Variants in WDR5 observed in about 807,000 individuals in gnomAD.
WDR5 encodes the protein WD repeat domain 5.
For synonymous variants in WDR5, 144 were observed against 161.6 expected (o/e 0.89, Z 0.83); for missense variants, 187 against 416.9 (o/e 0.45, Z 4.80).
intron 7 of WDR5, among the ~76,000 whole-genome samples, chr9:134,143,531 CTT>C (rs558531986): frequency 5.1e-5 from 7 of 137,856 alleles, no homozygotes; most frequent in East Asian, 2.5e-4. Flanking sequence ...GAAACTCTGT[CTT>C]TTTTTTTTTT....
At chr9:134,137,697 C>G (rs1224298781) in intron 1 of WDR5, among the ~76,000 whole-genome samples, 1 of 147,254 alleles carries the variant, frequency 6.8e-6, no homozygotes, top group Non-Finnish European at 1.5e-5. Flanking sequence ...AAAAAAAACA[C>G]GCCAAGCCTA....
rs537205025 is a variant in WDR5 at position 134,154,401 on chromosome 9, C to T, written c.632-65C>T. 5.1e-4 allele frequency: 790 copies of T among 1,547,402 alleles called. 7 individuals are homozygous for T. The highest frequency in any genetic ancestry group is 5.0e-3 in the South Asian group (448 of 89,338). On this transcript the variant is annotated intron_variant, in intron 9 of 13. Coordinates refer to ENST00000358625, the MANE Select transcript of WDR5 (RefSeq NM_017588.3). ...CGCACGTGGGGGATGGGGAGCGGGT[C>T]CCACCTCCTGTCCCTGCCTGGCTGT...
chr9:134,152,052 G>A (rs765258720), intron 9 of WDR5, 23 bp downstream of exon 9: 19 of 1,612,164 alleles, frequency 1.2e-5, no homozygotes, highest in Admixed American at 1.7e-5. Flanking sequence ...CTGTGTGGGG[G>A]CTGGGTCTGT....
chr9:134,153,875 T>C (rs975508133), intron 9 of WDR5, among the ~76,000 whole-genome samples: 3 of 152,172 alleles, frequency 2.0e-5, no homozygotes, highest in African/African-American at 7.2e-5. Context: ...GGGGTTGCCA[T>C]GTCCTGAAAA....
Position 134,140,785 on chromosome 9 carries a change from C to A in WDR5, c.164C>A (p.Pro55Gln). ...GCAGTGTCCTCCGTGAAATTCAGCC[C>A]GAATGGAGAGTGGCTGGCAAGTTCA... The part of the protein sequence containing the change: ...TKAVSSVKFS[P>Q]NGEWLASSSA... Residue 55 changes from proline to glutamine, a missense_variant, in exon 3 of 14, where the codon CCG (proline) becomes CAG (glutamine). Transcript: ENST00000358625. 1 of 1,614,112 alleles carries A rather than the reference C, an allele frequency of 6.2e-7. No individual in the cohort carries two copies. The highest frequency in any genetic ancestry group is 1.6e-4 in the Middle Eastern group (1 of 6,062).
rs569083827 is a variant in WDR5, at chr9:134,152,292, C to G, written c.631+263C>G. ...CTCCACCTGTGCTGTCGGCCTCACT[C>G]CGGCTGCTCACTGGAGTCCTCTGGG... On this transcript the variant is annotated intron_variant, in intron 9 of 13. Coordinates refer to ENST00000358625, the MANE Select transcript of WDR5 (RefSeq NM_017588.3). Among the ~76,000 whole-genome samples, 106 of 152,358 alleles carry G rather than the reference C, an allele frequency of 7.0e-4. 1 individual carries two copies. The South Asian group carries it at 0.011, about 15-fold the overall frequency.
chr9:134,137,673 A>AAC (rs1222369692), intron 1 of WDR5, among the ~76,000 whole-genome samples: 3 of 143,580 alleles, frequency 2.1e-5, no homozygotes, highest in Admixed American at 1.4e-4. Flanking sequence ...GTCTCAAAAA[A>AAC]AAAACAAAAA....
intron 8 of WDR5, among the ~76,000 whole-genome samples, chr9:134,151,292 C>G (rs1832472710): frequency 6.6e-6 from 1 of 152,126 alleles, no homozygotes; most frequent in Non-Finnish European, 1.5e-5. Context: ...GGGGCCCTCC[C>G]AGAGGCGGCT....
In WDR5 at chr9:134,148,361, A is replaced by G; in HGVS notation, c.584+18A>G. ...GGTCTCTGGTAAGTGAAAACATTTT[A>G]CTTCATGAAGCGATGAGTGCTTAAC... On this transcript the variant is annotated intron_variant, in intron 8 of 13. Transcript: ENST00000358625. 1 of 1,609,980 alleles carries G rather than the reference A, an allele frequency of 6.2e-7. No individual in the cohort carries two copies. Among genetic ancestry groups the G allele is most frequent in the Non-Finnish European group, 8.5e-7 (1 of 1,176,590 alleles).
In WDR5 at chr9:134,158,100, CAG is replaced by C. The variant is rs1832832893; in HGVS notation, c.*108_*109del. 4 of 982,678 alleles carry C rather than the reference CAG, an allele frequency of 4.1e-6. No homozygotes were observed. Among genetic ancestry groups the C allele is most frequent in the Non-Finnish European group, 6.3e-6 (4 of 633,558 alleles). The allele number at this position is 982,678 out of a possible 1,614,324, so 60.9% of individuals were successfully genotyped here. On this transcript the variant is annotated 3_prime_UTR_variant, in exon 14 of 14. Coordinates refer to ENST00000358625, the MANE Select transcript of WDR5 (RefSeq NM_017588.3). ...CCAGATCTGCGCCTGGGGGTCAGGA[CAG>C]GGCCTGATTTGAGCCTCCTCTCTGA...
chr9:134,156,453 T>G, intron 12 of WDR5, 53 bp from the exon 13 acceptor site: 83 of 1,554,688 alleles, frequency 5.3e-5, no homozygotes, highest in Non-Finnish European at 6.9e-5. Flanking sequence ...TTCACATGCA[T>G]GAGCTCTGAC....
At chr9:134,154,184 T>G (rs28507057) in intron 9 of WDR5, among the ~76,000 whole-genome samples, 7,515 of 152,122 alleles carry the variant, frequency 0.049, 443 homozygotes, top group African/African-American at 0.14. Flanking sequence ...AGGTGATTCC[T>G]GAGAGTGCCC....
In WDR5 at chr9:134,158,972, T is replaced by G. The variant is rs1454589995; in HGVS notation, c.*979T>G. The G allele has an allele frequency of 6.6e-6, 1 of 152,220 alleles. No homozygotes were observed. Among genetic ancestry groups the G allele is most frequent in the Non-Finnish European group, 1.5e-5 (1 of 68,044 alleles). 9.4% of individuals were successfully genotyped at this position (152,220 alleles called of 1,614,324 possible). On this transcript the variant is annotated 3_prime_UTR_variant, in exon 14 of 14. Transcript: ENST00000358625. ...TGGTAAGGCTCCCTGAGTCCCTTAC[T>G]CCAGGTCAGATGCCAGTGGGACTCA...
chr9:134,156,285 C>A (rs560037936), intron 12 of WDR5, among the ~76,000 whole-genome samples: 1 of 152,214 alleles, frequency 6.6e-6, no homozygotes, highest in African/African-American at 2.4e-5. Context: ...CTTCTGTGAG[C>A]GAGGCCGGTG....
At chr9:134,155,474 CAGAG>C (rs376421258) in intron 11 of WDR5, 101 bp downstream of exon 11, 1 of 1,461,204 alleles carries the variant, frequency 6.8e-7, no homozygotes, top group Non-Finnish European at 9.2e-7. Context: ...GAGAGGAGCT[CAGAG>C]AGCCATCTCC....
intron 9 of WDR5, 103 bp downstream of exon 9, chr9:134,152,132 G>A (rs1239803417): frequency 1.5e-6 from 2 of 1,379,176 alleles, no homozygotes; most frequent in East Asian, 2.4e-5. Context: ...CTCTGCCCTG[G>A]GTCCGCCCCT....
chr9:134,148,795 AGTGACAGG>A (rs1451872182), intron 8 of WDR5, among the ~76,000 whole-genome samples: 2 of 152,156 alleles, frequency 1.3e-5, no homozygotes, highest in African/African-American at 4.8e-5. Context: ...CAGGAGGAAG[AGTGACAGG>A]GTCTCCTGCA....
chr9:134,143,825 CT>C (rs200677170), intron 7 of WDR5, among the ~76,000 whole-genome samples: 1,927 of 133,468 alleles, frequency 0.014, 33 homozygotes, highest in African/African-American at 0.045. Context: ...AAAACTCTGT[CT>C]TTAAAAAAAA....
chr9:134,142,115 T>C (rs1349047566), intron 5 of WDR5, 77 bp downstream of exon 5: 3 of 1,318,442 alleles, frequency 2.3e-6, no homozygotes, highest in African/African-American at 1.5e-5. Flanking sequence ...CTGAGTTGAC[T>C]GCTCAGTAAG....
Sources: allele counts gnomAD v4.1 joint callset (sites outside exome capture counted in the v4.1 genomes callset), GRCh38; gene constraint gnomAD v4.1.1; transcripts MANE v1.5; gene names NCBI Gene and HGNC (gene_info 2026-07-23, HGNC 2026-07-21).